MIPOL1: variants seen among roughly 807,000 people sequenced by gnomAD.
MIPOL1 encodes mirror-image polydactyly gene 1 protein.
MIPOL1 carries 57 observed loss-of-function variants against 60.9 expected under a neutral mutation model. The observed-to-expected ratio is 0.94, with a 90% CI of 0.76 to 1.17. The LOEUF (loss-of-function observed/expected upper bound fraction) is 1.17. Ranked by LOEUF, MIPOL1 falls within the 50% of genes most tolerant of loss-of-function variation. The pLI is 0.00. For missense variants in MIPOL1, 551 were observed against 511.6 expected, an observed-to-expected ratio of 1.08 and a Z score of -0.74; for synonymous variants, 179 against 168.8, an observed-to-expected ratio of 1.06 and a Z score of -0.47.
Position 37,486,193 on chromosome 14 carries a change from A to G in MIPOL1, c.1032-13715A>G, listed in dbSNP as rs558771512. ...TCTGTTTGTTCTGTTTCATTCGTCT[A>G]TATATCTGTTTTGCTACCAGTACCA... On this transcript the variant is annotated intron_variant, in intron 11 of 12. Coordinates refer to ENST00000684589, the MANE Select transcript of MIPOL1 (RefSeq NM_001388067.1). Among the ~76,000 whole-genome samples the G allele has an allele frequency of 8.5e-5, 13 of 152,232 alleles. No homozygotes were observed. The East Asian group carries it at 1.4e-3, about 16-fold the overall frequency.
At chr14:37,243,090 A>G (rs1320669392) in intron 1 of MIPOL1, among the ~76,000 whole-genome samples, 1 of 152,234 alleles carries the variant, frequency 6.6e-6, no homozygotes, top group Non-Finnish European at 1.5e-5. Flanking sequence ...GCTGTAATGA[A>G]TATCTTTGTA....
At chr14:37,370,254 A>G (rs915937269) in intron 10 of MIPOL1, among the ~76,000 whole-genome samples, 1 of 152,070 alleles carries the variant, frequency 6.6e-6, no homozygotes, top group African/African-American at 2.4e-5. Flanking sequence ...TACTAATTGT[A>G]TTTTTTTCTT....
intron 10 of MIPOL1, among the ~76,000 whole-genome samples, chr14:37,387,469 C>T (rs759302988): frequency 4.0e-5 from 6 of 151,774 alleles, no homozygotes; most frequent in Non-Finnish European, 5.9e-5. Flanking sequence ...GAAGGATTCT[C>T]GTAGGGCTAT....
At chr14:37,447,231 A>C (rs1594374708) in intron 11 of MIPOL1, among the ~76,000 whole-genome samples, 1 of 152,050 alleles carries the variant, frequency 6.6e-6, no homozygotes, top group Admixed American at 6.6e-5. Context: ...ATATGTAAAA[A>C]ATTAACATTA....
chr14:37,366,260 G>C (rs1345743652), intron 9 of MIPOL1, among the ~76,000 whole-genome samples: 1 of 151,376 alleles, frequency 6.6e-6, no homozygotes, highest in Non-Finnish European at 1.5e-5. Flanking sequence ...GTTTGTTTGA[G>C]TTTTTCTTCT....
intron 7 of MIPOL1, among the ~76,000 whole-genome samples, chr14:37,287,208 A>G (rs114000782): frequency 0.027 from 4,114 of 150,308 alleles, 204 homozygotes; most frequent in African/African-American, 0.094. Flanking sequence ...TATATATGTA[A>G]AATATTTTAT....
chr14:37,442,066 G>A (rs1429255952), intron 11 of MIPOL1, among the ~76,000 whole-genome samples: 1 of 148,934 alleles, frequency 6.7e-6, no homozygotes, highest in African/African-American at 2.5e-5. Context: ...GGTTGAAAAA[G>A]TTTCATTCTC....
At chr14:37,204,490 C>T (rs979678546) in intron 1 of MIPOL1, among the ~76,000 whole-genome samples, 3 of 152,064 alleles carry the variant, frequency 2.0e-5, no homozygotes, top group African/African-American at 7.2e-5. Flanking sequence ...GGTGGTTTCT[C>T]TCATACCGTT....
chr14:37,219,615 G>C (rs1024276484), intron 1 of MIPOL1: 1 of 152,328 alleles, frequency 6.6e-6, no homozygotes, highest in South Asian at 2.1e-4. Context: ...CAGTCCCCCT[G>C]CGTTGGCCTC....
At chr14:37,551,804 G>C (rs1414236167), downstream of MIPOL1, 3 of 150,688 alleles carry the variant, frequency 2.0e-5, no homozygotes, top group Non-Finnish European at 4.4e-5. Context: ...GCGTGAACCC[G>C]GAAGGCAGAG....
At chr14:37,234,006 T>C (rs553068726) in intron 1 of MIPOL1, among the ~76,000 whole-genome samples, 1 of 152,302 alleles carries the variant, frequency 6.6e-6, no homozygotes, top group South Asian at 2.1e-4. Flanking sequence ...TATAAAACCA[T>C]GTTTATCTCT....
chr14:37,468,246 A>G (rs563481357), intron 11 of MIPOL1, among the ~76,000 whole-genome samples: 4 of 151,934 alleles, frequency 2.6e-5, no homozygotes, highest in Non-Finnish European at 4.4e-5. Context: ...TTCAGGAATT[A>G]TTTCACCACA....
intron 11 of MIPOL1, among the ~76,000 whole-genome samples, chr14:37,441,218 T>C (rs1389138494): frequency 7.9e-5 from 12 of 152,142 alleles, no homozygotes; most frequent in Admixed American, 7.9e-4. Context: ...ATTTATTGTG[T>C]TGTGTAGAAG....
chr14:37,468,420 C>T (rs973587823), intron 11 of MIPOL1, among the ~76,000 whole-genome samples: 4 of 152,108 alleles, frequency 2.6e-5, no homozygotes, highest in African/African-American at 4.8e-5. Context: ...ACTTTTCTTT[C>T]TTTCATTTCC....
chr14:37,253,249 C>T (rs1426726572), intron 3 of MIPOL1, among the ~76,000 whole-genome samples: 1 of 151,736 alleles, frequency 6.6e-6, no homozygotes, highest in Non-Finnish European at 1.5e-5. Context: ...TGGAGCTAAA[C>T]ATAAGTTTTA....
At chr14:37,330,977 G>C (rs2153454046) in intron 9 of MIPOL1, among the ~76,000 whole-genome samples, 1 of 152,148 alleles carries the variant, frequency 6.6e-6, no homozygotes, top group East Asian at 1.9e-4. Context: ...AGTTCCTTAT[G>C]TCAAAAATGA....
At chr14:37,422,790 C>T (rs2093897417) in intron 10 of MIPOL1, 65 bp from the exon 11 acceptor site, 7 of 1,031,294 alleles carry the variant, frequency 6.8e-6, no homozygotes, top group East Asian at 5.3e-5. Flanking sequence ...CTGTTCTTAC[C>T]GTGGTACTGT....
chr14:37,428,223 T>C (rs2093999511), intron 11 of MIPOL1, among the ~76,000 whole-genome samples: 1 of 152,118 alleles, frequency 6.6e-6, no homozygotes, highest in Admixed American at 6.5e-5. Flanking sequence ...GCCAAAACAA[T>C]GGAGGATGTA....
At chr14:37,298,646 C>G (rs984897650) in intron 7 of MIPOL1, among the ~76,000 whole-genome samples, 1 of 152,194 alleles carries the variant, frequency 6.6e-6, no homozygotes, top group Non-Finnish European at 1.5e-5. Context: ...AGGATCCGAA[C>G]AGACACTTCT....
Sources: gnomAD v4.1 joint callset for allele counts (sites outside exome capture counted in the v4.1 genomes callset) on GRCh38, gnomAD v4.1.1 for gene constraint, MANE v1.5 for transcripts, NCBI Gene and HGNC (gene_info 2026-07-23, HGNC 2026-07-21) for gene names.